The following GLRA3 variants were observed in gnomAD, a reference collection of about 807,000 sequenced individuals.
GLRA3 encodes the protein glycine receptor subunit alpha-3.
A neutral mutation model predicts 60.4 loss-of-function variants in GLRA3; 44 were observed. The ratio of observed to expected loss-of-function variants is 0.73; its 90% CI spans 0.57 to 0.94. The LOEUF (loss-of-function observed/expected upper bound fraction) is 0.94. GLRA3 is among the 40% of genes least tolerant of loss of function. The pLI is 0.00. For missense variants in GLRA3, 508 were observed against 564.6 expected (o/e 0.90, Z 1.02); for synonymous variants, 223 against 192.9 (o/e 1.16, Z -1.29).
At chr4:174,819,014 A>T (rs1166988447) in intron 1 of GLRA3, among the ~76,000 whole-genome samples, 2 of 152,184 alleles carry the variant, frequency 1.3e-5, no homozygotes, top group Non-Finnish European at 2.9e-5. Context: ...CAGAAATGTA[A>T]TCACTTGTTT....
intron 5 of GLRA3, among the ~76,000 whole-genome samples, chr4:174,703,532 C>T (rs1039459310): frequency 1.3e-5 from 2 of 152,188 alleles, no homozygotes; most frequent in African/African-American, 4.8e-5. Context: ...ATCCTCACTA[C>T]ATATAATTCA....
chr4:174,731,412 G>C (rs1736540315), intron 3 of GLRA3, among the ~76,000 whole-genome samples: 1 of 152,078 alleles, frequency 6.6e-6, no homozygotes, highest in Non-Finnish European at 1.5e-5. Flanking sequence ...TAACTTGCCT[G>C]TAATAAAATT....
At chr4:174,649,449 G>A (rs1561031649) in intron 9 of GLRA3, among the ~76,000 whole-genome samples, 3 of 152,170 alleles carry the variant, frequency 2.0e-5, no homozygotes, top group Non-Finnish European at 4.4e-5. Flanking sequence ...TCTGGCTTGA[G>A]CCTAGTCCTG....
In GLRA3 at chr4:174,637,015, G is replaced by A. The variant is rs981129611; in HGVS notation, c.*6771C>T. The A allele has an allele frequency of 1.3e-5, 2 of 152,176 alleles. No homozygotes were observed. Among genetic ancestry groups the A allele is most frequent in the Non-Finnish European group, 2.9e-5 (2 of 68,014 alleles). 9.4% of individuals were successfully genotyped at this position (152,176 alleles called of 1,614,324 possible). ...TGTTCACAGGTTAATGACTCTGATA[G>A]AGAGTCTGTTAGTTGCAAAATTGAA... is the stretch of plus-strand genomic sequence containing the variant. On this transcript the variant is annotated 3_prime_UTR_variant, in exon 10 of 10. Transcript: ENST00000274093.
At chr4:174,668,161 C>T (rs914123779) in intron 7 of GLRA3, among the ~76,000 whole-genome samples, 1 of 152,038 alleles carries the variant, frequency 6.6e-6, no homozygotes, top group African/African-American at 2.4e-5. Context: ...TTCCTGAGGC[C>T]CCCCAGAAAC....
chr4:174,773,080 C>T (rs1217320764), intron 2 of GLRA3, among the ~76,000 whole-genome samples: 2 of 152,114 alleles, frequency 1.3e-5, no homozygotes, highest in Non-Finnish European at 2.9e-5. Flanking sequence ...CTTCTATTGC[C>T]ATTACAGAGA....
At chr4:174,691,981 A>T (rs2111012757) in intron 5 of GLRA3, among the ~76,000 whole-genome samples, 1 of 149,628 alleles carries the variant, frequency 6.7e-6, no homozygotes, top group East Asian at 2.0e-4. Flanking sequence ...CGTCTGAGAT[A>T]AGGGGAGCGC....
intron 2 of GLRA3, among the ~76,000 whole-genome samples, chr4:174,769,952 T>C (rs1738313510): frequency 6.6e-6 from 1 of 152,154 alleles, no homozygotes; most frequent in African/African-American, 2.4e-5. Flanking sequence ...CAAAGCCATT[T>C]TGTAGATGAC....
chr4:174,746,830 A>G (rs78377424), intron 3 of GLRA3, among the ~76,000 whole-genome samples: 5,821 of 152,296 alleles, frequency 0.038, 154 homozygotes, highest in Admixed American at 0.058. Context: ...CATGTACCCA[A>G]TAAATATGTA....
rs889457774 is a variant in GLRA3 at position 174,641,002 on chromosome 4, T to C, written c.*2784A>G. The C allele has an allele frequency of 6.6e-5, 10 of 151,996 alleles. No individual in the cohort carries two copies. Among genetic ancestry groups the C allele is most frequent in the Admixed American group, 4.6e-4 (7 of 15,238 alleles). 9.4% of individuals were successfully genotyped at this position (151,996 alleles called of 1,614,324 possible). A position where few individuals can be genotyped will look rare whatever the true frequency, so the allele number is the denominator to read the frequency against. Reference sequence around the variant, plus strand: ...TCTAGAGCCTCATTATGGTTTAAGTTCAATTCTAATGGTTGGGAAAGAAAG... The same window carrying C: ...TCTAGAGCCTCATTATGGTTTAAGTCCAATTCTAATGGTTGGGAAAGAAAG... On this transcript the variant is annotated 3_prime_UTR_variant, in exon 10 of 10. Coordinates refer to ENST00000274093, the MANE Select transcript of GLRA3 (RefSeq NM_006529.4).
chr4:174,660,451 T>G (rs1293902053), intron 7 of GLRA3, among the ~76,000 whole-genome samples: 1 of 151,536 alleles, frequency 6.6e-6, no homozygotes, highest in Non-Finnish European at 1.5e-5. Flanking sequence ...TGATGGATTT[T>G]TAGTAGGAAT....
intron 3 of GLRA3, among the ~76,000 whole-genome samples, chr4:174,739,818 G>C (rs183780832): frequency 2.0e-5 from 3 of 152,052 alleles, no homozygotes; most frequent in Non-Finnish European, 4.4e-5. Context: ...GAGCCAACAC[G>C]GTAAAGTCAA....
At chr4:174,689,909 T>G (rs1335875157) in intron 5 of GLRA3, among the ~76,000 whole-genome samples, 1 of 151,786 alleles carries the variant, frequency 6.6e-6, no homozygotes, top group African/African-American at 2.4e-5. Flanking sequence ...ATTCAGGAGT[T>G]GCAATCCTAG....
rs779250941 is a variant in GLRA3, at chr4:174,704,092, C to T, written c.574+11396G>A. On this transcript the variant is annotated intron_variant, in intron 5 of 9. Transcript: ENST00000274093. ...GTTGGATCACTTGAGATCAAGTGTTCGAGACCAACCTGGGCAACATGGCAA... is the reference window on the plus strand; with the variant it reads ...GTTGGATCACTTGAGATCAAGTGTTTGAGACCAACCTGGGCAACATGGCAA... 9.9e-5 allele frequency among the ~76,000 whole-genome samples: 11 copies of T among 111,322 alleles called. 1 individual carries two copies. The highest frequency in any genetic ancestry group is 2.7e-4 in the South Asian group (1 of 3,760). The allele number at this position is 111,322 out of a possible 152,430, so 73.0% of individuals were successfully genotyped here.
chr4:174,786,084 A>T (rs1028867059), intron 2 of GLRA3, among the ~76,000 whole-genome samples: 1 of 151,590 alleles, frequency 6.6e-6, no homozygotes, highest in Non-Finnish European at 1.5e-5. Context: ...TATTTTAGCT[A>T]ATTATGCTCA....
In GLRA3 at chr4:174,656,759, T is replaced by C; in HGVS notation, c.1100A>G (p.Tyr367Cys). ...KTEAFALEKF[Y>C]RFSDMDDEVR... is the part of the protein sequence containing the mutation. ...TCAATTTACCATATCTGAGAAACGG[T>C]AAAACTTCTCCAGTGCAAAAGCTTC... The change falls in exon 9 of 10, where the codon TAC becomes TGC. Residue 367 changes from tyrosine to cysteine, a missense_variant. Physicochemically the swap from Tyr to Cys is radical, Grantham distance 194. Coordinates refer to ENST00000274093, the MANE Select transcript of GLRA3 (RefSeq NM_006529.4). 6.3e-7 allele frequency: 1 copy of C among 1,584,110 alleles called. No homozygotes were observed. The highest frequency in any genetic ancestry group is 8.7e-7 in the Non-Finnish European group (1 of 1,153,066).
At chr4:174,747,926 C>T (rs759352322) in intron 3 of GLRA3, among the ~76,000 whole-genome samples, 1 of 152,206 alleles carries the variant, frequency 6.6e-6, no homozygotes, top group South Asian at 2.1e-4. Context: ...ATATGCTGTT[C>T]CAAATACTAT....
intron 9 of GLRA3, among the ~76,000 whole-genome samples, chr4:174,655,013 TA>T (rs1209138819): frequency 1.3e-5 from 2 of 152,164 alleles, no homozygotes; most frequent in Non-Finnish European, 2.9e-5. Flanking sequence ...TGAGCCTAGT[TA>T]AAACTTTCCT....
intron 2 of GLRA3, among the ~76,000 whole-genome samples, chr4:174,782,219 C>G: frequency 6.7e-6 from 1 of 149,838 alleles, no homozygotes; most frequent in Non-Finnish European, 1.5e-5. Flanking sequence ...ACAAAAACCA[C>G]ATGATTATCT....
Sources: gnomAD v4.1 joint callset for allele counts (sites outside exome capture counted in the v4.1 genomes callset) on GRCh38, gnomAD v4.1.1 for gene constraint, MANE v1.5 for transcripts, NCBI Gene and HGNC (gene_info 2026-07-23, HGNC 2026-07-21) for gene names.